Variants in RAB40B observed in about 807,000 individuals in gnomAD.
RAB40B encodes RAB40B, member RAS oncogene family, also known as ras-related protein Rab-40B.
Under a neutral mutation model 24.0 loss-of-function variants are expected in RAB40B, and 21 were observed. The ratio of observed to expected loss-of-function variants is 0.88; its 90% CI spans 0.62 to 1.26. RAB40B has a LOEUF of 1.26. Ranked by LOEUF, RAB40B falls within the 50% of genes most tolerant of loss-of-function variation. The pLI is 0.00. For synonymous variants in RAB40B, 167 were observed against 169.8 expected (o/e 0.98, Z 0.13); for missense variants, 348 against 390.5 (o/e 0.89, Z 0.92).
Position 82,659,632 on chromosome 17 carries a change from G to T in RAB40B, c.290C>A (p.Ala97Glu). The T allele has an allele frequency of 1.2e-6, 2 of 1,614,156 alleles. No individual in the cohort carries two copies. The highest frequency in any genetic ancestry group is 1.7e-6 in the Non-Finnish European group (2 of 1,180,028). The change falls in exon 4 of 6, where the codon GCG (alanine) becomes GAG (glutamate). Residue 97 changes from alanine to glutamate, a missense_variant. Coordinates refer to ENST00000571995, the MANE Select transcript of RAB40B (RefSeq NM_006822.3). ...AQGVILVYDI[A>E]NRWSFDGIDR... is the part of the protein sequence containing the mutation. Reference sequence around the variant, plus strand: ...AATGCCGTCAAAAGACCAGCGGTTCGCAATGTCATAGACCAGGATCACACC... The same window carrying T: ...AATGCCGTCAAAAGACCAGCGGTTCTCAATGTCATAGACCAGGATCACACC...
intron 1 of RAB40B, among the ~76,000 whole-genome samples, chr17:82,686,364 G>A (rs931979323): frequency 2.0e-5 from 3 of 152,258 alleles, no homozygotes. Flanking sequence ...CACCTGCCTC[G>A]GCCTCCCAAA....
At chr17:82,664,467 C>T (rs773914957) in intron 2 of RAB40B, 29 bp downstream of exon 2, 17 of 1,607,694 alleles carry the variant, frequency 1.1e-5, no homozygotes, top group Admixed American at 5.0e-5. Flanking sequence ...CCTGGGGGTG[C>T]GGGACGCTCG....
intron 1 of RAB40B, chr17:82,696,872 G>T (rs949212731): frequency 6.5e-6 from 1 of 153,592 alleles, no homozygotes; most frequent in Non-Finnish European, 1.5e-5. Context: ...GTGACGAATG[G>T]AAGCTTTTTG....
chr17:82,677,398 G>A (rs1033815290), intron 1 of RAB40B, among the ~76,000 whole-genome samples: 3 of 152,196 alleles, frequency 2.0e-5, no homozygotes. Context: ...CCAATCACTG[G>A]TTTCTCCCGT....
At chr17:82,674,648 A>G (rs1276475014) in intron 1 of RAB40B, among the ~76,000 whole-genome samples, 5 of 151,642 alleles carry the variant, frequency 3.3e-5, no homozygotes, top group Middle Eastern at 3.4e-3. Context: ...AAAAAAAAAA[A>G]AAAAGAAAAG....
intron 1 of RAB40B, among the ~76,000 whole-genome samples, chr17:82,670,905 T>C (rs779321901): frequency 1.2e-4 from 18 of 152,088 alleles, no homozygotes; most frequent in Non-Finnish European, 2.4e-4. Context: ...GAGTCATGGA[T>C]GCTCACAGTC....
intron 1 of RAB40B, among the ~76,000 whole-genome samples, chr17:82,678,221 C>T (rs545224288): frequency 1.3e-5 from 2 of 152,212 alleles, no homozygotes; most frequent in African/African-American, 4.8e-5. Flanking sequence ...CCACGAGAAA[C>T]TAAGAAACAT....
At chr17:82,664,630 A>G in intron 1 of RAB40B, 74 bp from the exon 2 acceptor site, 1 of 1,434,608 alleles carries the variant, frequency 7.0e-7, no homozygotes, top group Non-Finnish European at 9.7e-7. Context: ...CGTTCAGGGA[A>G]GAAAAGGGTT....
chr17:82,689,248 A>G (rs914663563), intron 1 of RAB40B, among the ~76,000 whole-genome samples: 9 of 152,248 alleles, frequency 5.9e-5, no homozygotes, highest in African/African-American at 2.2e-4. Context: ...TGCGGCTGGC[A>G]GGATGAGGCA....
intron 1 of RAB40B, among the ~76,000 whole-genome samples, chr17:82,669,863 G>A (rs931783259): frequency 6.6e-6 from 1 of 152,176 alleles, no homozygotes; most frequent in Non-Finnish European, 1.5e-5. Flanking sequence ...TGAACACACT[G>A]AGCGTGAAAC....
At position 82,697,820 on chromosome 17, in the gene RAB40B, C is replaced by A. The variant is rs1298219060; in HGVS notation, c.142+635G>T. 6.6e-6 allele frequency among the ~76,000 whole-genome samples: 1 copy of A among 152,172 alleles called. No homozygotes were observed. The highest frequency in any genetic ancestry group is 1.5e-5 in the Non-Finnish European group (1 of 68,030). On this transcript the variant is annotated intron_variant, in intron 1 of 5. Coordinates refer to ENST00000571995, the MANE Select transcript of RAB40B (RefSeq NM_006822.3). This position sits in a 1 kb window ranked among gnomAD's most constrained non-coding sequence, Gnocchi z 4.9. ...TCCGGCCTCCCCTCGCCCTGGAACC[C>A]GCTCTCCGGCCGCTGTCGTGGGGGG...
At chr17:82,659,307 G>C (rs1311035578) in intron 4 of RAB40B, 1 of 472,468 alleles carries the variant, frequency 2.1e-6, no homozygotes, top group African/African-American at 2.0e-5. Flanking sequence ...GAGTGAAGCA[G>C]GCCAAACCTG....
In RAB40B at chr17:82,694,673, G is replaced by T. The variant is rs370730379; in HGVS notation, c.142+3782C>A. Among the ~76,000 whole-genome samples the T allele has an allele frequency of 5.3e-5, 8 of 151,790 alleles. 2 individuals carry two copies. Among genetic ancestry groups the T allele is most frequent in the African/African-American group, 1.9e-4 (8 of 41,130 alleles). On this transcript the variant is annotated intron_variant, in intron 1 of 5. Transcript: ENST00000571995. ...AGAAGAACTATGAGACAAAAAGAAA[G>T]AATTCCTCAGAAATTCATGAAGGGA... is the stretch of plus-strand genomic sequence containing the variant.
At chr17:82,658,986 T>G (rs1598292223) in intron 4 of RAB40B, 2 of 427,414 alleles carry the variant, frequency 4.7e-6, no homozygotes, top group East Asian at 8.3e-5. Context: ...AGGCAGAGGC[T>G]GGAGCGGTGC....
In RAB40B at chr17:82,697,742, C is replaced by T. The variant is rs1177889447; in HGVS notation, c.142+713G>A. 6.6e-6 allele frequency among the ~76,000 whole-genome samples: 1 copy of T among 152,214 alleles called. No homozygotes were observed. Among genetic ancestry groups the T allele is most frequent in the Admixed American group, 6.5e-5 (1 of 15,290 alleles). On this transcript the variant is annotated intron_variant, in intron 1 of 5. Transcript: ENST00000571995. The surrounding 1 kb of genome is among the most constrained non-coding windows in gnomAD (Gnocchi z 4.9). The stretch of plus-strand genomic sequence containing the variant: ...CACCCCCTCGCCGGGCGCCGGCTTT[C>T]AAGCCTCAAACTTGGGGGATCCCCG...
Position 82,661,287 on chromosome 17 carries a change from C to T in RAB40B, c.204-240G>A, listed in dbSNP as rs556313632. On this transcript the variant is annotated intron_variant, in intron 2 of 5. Transcript: ENST00000571995. ...AAAGTCAAACTAGAAAAAATAGTGA[C>T]GGTTTTAACATAATTCTCAGATATT... The T allele has an allele frequency of 4.5e-5, 58 of 1,292,100 alleles. 1 individual carries two copies. In the Admixed American group the frequency reaches 1.3e-3, roughly 29 times the overall value. The allele number at this position is 1,292,100 out of a possible 1,614,324, so 80.0% of individuals were successfully genotyped here. A position where few individuals can be genotyped will look rare whatever the true frequency, so the allele number is the denominator to read the frequency against.
At chr17:82,668,735 C>A (rs2046292226) in intron 1 of RAB40B, among the ~76,000 whole-genome samples, 1 of 152,232 alleles carries the variant, frequency 6.6e-6, no homozygotes, top group Admixed American at 6.5e-5. Flanking sequence ...GGTGGCCTTC[C>A]CAGGCCTCCA....
At chr17:82,661,270 A>G (rs1449228415) in intron 2 of RAB40B, 5 of 1,323,792 alleles carry the variant, frequency 3.8e-6, no homozygotes, top group Non-Finnish European at 4.8e-6. Flanking sequence ...AAAAAGTCAA[A>G]CTAGAAAAAA....
In RAB40B at chr17:82,663,187, C is replaced by T. The variant is rs556511437; in HGVS notation, c.203+1309G>A. ...AGCTGTGCAGCAGGAAGGGTCGGGGCGCTTGGGGACACTGTGGAGACAGGC... is the reference window on the plus strand; with the variant it reads ...AGCTGTGCAGCAGGAAGGGTCGGGGTGCTTGGGGACACTGTGGAGACAGGC... On this transcript the variant is annotated intron_variant, in intron 2 of 5. Coordinates refer to ENST00000571995, the MANE Select transcript of RAB40B (RefSeq NM_006822.3). This position sits in a 1 kb window ranked among gnomAD's most constrained non-coding sequence, Gnocchi z 6.2. Among the ~76,000 whole-genome samples, 17 of 152,062 alleles carry T rather than the reference C, an allele frequency of 1.1e-4. No individual in the cohort carries two copies. Among genetic ancestry groups the T allele is most frequent in the African/African-American group, 3.1e-4 (13 of 41,476 alleles).
Sources: allele counts gnomAD v4.1 joint callset (sites outside exome capture counted in the v4.1 genomes callset), GRCh38; gene constraint gnomAD v4.1.1; non-coding constraint Gnocchi (gnomAD v3.1); transcripts MANE v1.5; gene names NCBI Gene and HGNC (gene_info 2026-07-23, HGNC 2026-07-21).